The following SMIM36 variants were observed in gnomAD, a reference collection of about 807,000 sequenced individuals.
SMIM36 encodes small integral membrane protein 36.
At chr17:55,476,310 G>A (rs1206843395) in intron 3 of SMIM36, among the ~76,000 whole-genome samples, 1 of 151,928 alleles carries the variant, frequency 6.6e-6, no homozygotes, top group Non-Finnish European at 1.5e-5. Context: ...CCCACCGAGC[G>A]CCTTGTGACC....
the SMIM36 span, among the ~76,000 whole-genome samples, chr17:55,529,609 TACACAC>T: frequency 9.6e-4 from 138 of 143,020 alleles, no homozygotes; most frequent in African/African-American, 3.2e-3. Context: ...CTACTAAAAA[TACACAC>T]ACACACACAC....
intron 4 of SMIM36, among the ~76,000 whole-genome samples, chr17:55,460,873 A>AAAAAAACC (rs1909137848): frequency 6.6e-6 from 1 of 152,156 alleles, no homozygotes; most frequent in African/African-American, 2.4e-5. Flanking sequence ...AACAAAAACA[A>AAAAAAACC]AAAAAACCAT....
At chr17:55,465,840 G>T (rs1909226798) in intron 4 of SMIM36, among the ~76,000 whole-genome samples, 1 of 152,102 alleles carries the variant, frequency 6.6e-6, no homozygotes, top group Non-Finnish European at 1.5e-5. Flanking sequence ...TCTCTAATAA[G>T]GTCCTTAGAT....
At chr17:55,473,414 C>G (rs1026435035) in intron 3 of SMIM36, among the ~76,000 whole-genome samples, 3 of 152,138 alleles carry the variant, frequency 2.0e-5, no homozygotes, top group Non-Finnish European at 4.4e-5. Context: ...CCCACTAGCT[C>G]CGAAAAGGCT....
intron 1 of SMIM36, among the ~76,000 whole-genome samples, 155 bp downstream of exon 1, chr17:55,510,724 C>T (rs1910165729): frequency 6.6e-6 from 1 of 152,060 alleles, no homozygotes; most frequent in South Asian, 2.1e-4. Flanking sequence ...CACACACACA[C>T]ACAATATTGC....
At chr17:55,524,991 A>G in the SMIM36 span, among the ~76,000 whole-genome samples, 1 of 152,176 alleles carries the variant, frequency 6.6e-6, no homozygotes, top group Non-Finnish European at 1.5e-5. Flanking sequence ...CATTTTACAG[A>G]TGAGAAAACT....
chr17:55,487,814 TAGGAGATGCA>T (rs1279588482), intron 1 of SMIM36, among the ~76,000 whole-genome samples: 3 of 152,024 alleles, frequency 2.0e-5, no homozygotes, highest in Non-Finnish European at 4.4e-5. Flanking sequence ...CTTGAGAAAT[TAGGAGATGCA>T]AGGCTGAGAC....
intron 1 of SMIM36, among the ~76,000 whole-genome samples, chr17:55,500,871 TTATATTTTATAATA>T (rs1366241580): frequency 2.0e-5 from 1 of 50,004 alleles, no homozygotes; most frequent in Non-Finnish European, 2.8e-5. Context: ...TTATAATATA[TTATATTTTATAATA>T]TATATTATAA....
chr17:55,453,218 G>A (rs1908954559), intron 4 of SMIM36, among the ~76,000 whole-genome samples: 1 of 152,144 alleles, frequency 6.6e-6, no homozygotes, highest in Non-Finnish European at 1.5e-5. Flanking sequence ...TTGCAAGACT[G>A]AGGCGGGAAG....
At chr17:55,486,019 CTTT>C (rs72017867) in intron 1 of SMIM36, among the ~76,000 whole-genome samples, 2 of 142,554 alleles carry the variant, frequency 1.4e-5, no homozygotes, top group Non-Finnish European at 3.0e-5. Context: ...AAAGAGCTTT[CTTT>C]TTTTTTTTTC....
At chr17:55,528,550 CTTTTCTTTTT>C in the SMIM36 span, among the ~76,000 whole-genome samples, 6 of 147,926 alleles carry the variant, frequency 4.1e-5, no homozygotes, top group African/African-American at 1.2e-4. Context: ...TTTTTCTTTT[CTTTTCTTTTT>C]TTTTTTTTTG....
At chr17:55,501,583 C>T (rs1909982545) in intron 1 of SMIM36, among the ~76,000 whole-genome samples, 1 of 123,988 alleles carries the variant, frequency 8.1e-6, no homozygotes, top group Admixed American at 9.9e-5. Flanking sequence ...ATTATATATT[C>T]ACTGGTTATA....
chr17:55,510,479 C>T (rs1253214225), intron 1 of SMIM36, among the ~76,000 whole-genome samples: 11 of 152,122 alleles, frequency 7.2e-5, no homozygotes, highest in Non-Finnish European at 1.3e-4. Flanking sequence ...CCTTAGAGTC[C>T]TAGCTACATG....
chr17:55,458,543 T>C (rs1909072906), intron 4 of SMIM36: 1 of 150,836 alleles, frequency 6.6e-6, no homozygotes. Context: ...CCCCATCCTG[T>C]ACCTATAATA....
intron 1 of SMIM36, among the ~76,000 whole-genome samples, chr17:55,480,026 TC>T (rs1230999695): frequency 6.6e-6 from 1 of 152,084 alleles, no homozygotes; most frequent in Non-Finnish European, 1.5e-5. Flanking sequence ...CCCCACTCCC[TC>T]TGTGTAGCAG....
chr17:55,524,000 T>C, the SMIM36 span, among the ~76,000 whole-genome samples: 5 of 152,154 alleles, frequency 3.3e-5, no homozygotes, highest in Non-Finnish European at 7.4e-5. Flanking sequence ...AGAGGTTTGC[T>C]GTACAGATTA....
chr17:55,531,833 CA>C, the SMIM36 span, among the ~76,000 whole-genome samples: 1 of 152,054 alleles, frequency 6.6e-6, no homozygotes, highest in Non-Finnish European at 1.5e-5. Flanking sequence ...GAATAGGCCC[CA>C]AGTAGGAGCT....
At chr17:55,473,004 A>G (rs543906208) in intron 3 of SMIM36, among the ~76,000 whole-genome samples, 1 of 152,098 alleles carries the variant, frequency 6.6e-6, no homozygotes, top group East Asian at 1.9e-4. Flanking sequence ...TTTCTCCTCT[A>G]TCACTCTCAC....
chr17:55,527,432 G>A, the SMIM36 span, among the ~76,000 whole-genome samples: 1 of 152,148 alleles, frequency 6.6e-6, no homozygotes, highest in African/African-American at 2.4e-5. Context: ...GAGGGACTAA[G>A]AACATTTGGC....
Sources: allele counts gnomAD v4.1 joint callset (sites outside exome capture counted in the v4.1 genomes callset), GRCh38; gene constraint gnomAD v4.1.1; transcripts MANE v1.5; gene names NCBI Gene and HGNC (gene_info 2026-07-23, HGNC 2026-07-21).